SLC1A4: variants seen among roughly 807,000 people sequenced by gnomAD.
The protein encoded by SLC1A4 is neutral amino acid transporter A.
SLC1A4 carries 19 observed loss-of-function variants against 37.7 expected under a neutral mutation model. That is an observed-to-expected ratio of 0.50 (90% confidence interval 0.35 to 0.74). SLC1A4 has a LOEUF of 0.74. SLC1A4 is among the 30% of genes least tolerant of loss of function. SLC1A4 has a pLI of 0.01. For missense variants in SLC1A4, 570 were observed against 712.9 expected, an observed-to-expected ratio of 0.80 and a Z score of 2.28; for synonymous variants, 299 against 309.8, an observed-to-expected ratio of 0.97 and a Z score of 0.37.
At chr2:65,011,392 G>A (rs1023488514) in intron 4 of SLC1A4, 6 of 151,440 alleles carry the variant, frequency 4.0e-5, no homozygotes, top group African/African-American at 9.7e-5. Context: ...TCAGCCTCCC[G>A]AGAAGCTGGG....
chr2:65,005,712 G>A (rs758968422), intron 3 of SLC1A4, among the ~76,000 whole-genome samples: 24 of 152,206 alleles, frequency 1.6e-4, no homozygotes, highest in Non-Finnish European at 4.4e-5. Flanking sequence ...ACTAATTGTT[G>A]CCCAGGTGCA....
At chr2:65,007,092 A>G (rs1197993194) in intron 3 of SLC1A4, among the ~76,000 whole-genome samples, 2 of 152,204 alleles carry the variant, frequency 1.3e-5, no homozygotes, top group African/African-American at 4.8e-5. Context: ...TTTATTTGGC[A>G]ACAGCCAGGT....
Position 65,021,316 on chromosome 2 carries a change from A to G in SLC1A4, c.*170A>G. ...TCTCGGCACTGGCATTGGGCTCCCC[A>G]GCCGGAACTGGTTACCAAGGACAAG... On this transcript the variant is annotated 3_prime_UTR_variant, in exon 8 of 8. Transcript: ENST00000234256. 1.6e-6 allele frequency: 1 copy of G among 607,410 alleles called. No individual in the cohort carries two copies. 37.6% of individuals were successfully genotyped at this position (607,410 alleles called of 1,614,324 possible).
chr2:65,016,678 G>A lies in SLC1A4; in HGVS notation c.1034+5G>A. 6.2e-7 allele frequency: 1 copy of A among 1,607,118 alleles called. No homozygotes were observed. Among genetic ancestry groups the A allele is most frequent in the Non-Finnish European group, 8.5e-7 (1 of 1,173,620 alleles). On this transcript the variant is annotated splice_donor_5th_base_variant and intron_variant, in intron 5 of 7. Transcript: ENST00000234256. ...AGCATTTGCTACCTGCTCCAGGTGAGTGGGTTTTGGGTCTCTTCACTGCTC... is the reference window on the plus strand; with the variant it reads ...AGCATTTGCTACCTGCTCCAGGTGAATGGGTTTTGGGTCTCTTCACTGCTC...
intron 1 of SLC1A4, 118 bp downstream of exon 1, chr2:64,990,288 T>G (rs1572938466): frequency 9.5e-7 from 1 of 1,052,468 alleles, no homozygotes; most frequent in Non-Finnish European, 1.3e-6. Flanking sequence ...TGGCTGCTGG[T>G]GGCGTTTAAC....
rs1672947593 is a variant in SLC1A4, at chr2:64,989,409, G to C, written c.-235G>C. ...GCTCCCGTTTGCATCATCTCCAGCC[G>C]GCGGCTGCTCCAGGGAGGCTGGGCG... On this transcript the variant is annotated 5_prime_UTR_variant, in exon 1 of 8. Coordinates refer to ENST00000234256, the MANE Select transcript of SLC1A4 (RefSeq NM_003038.5). 2.7e-6 allele frequency: 1 copy of C among 376,442 alleles called. No homozygotes were observed. Among genetic ancestry groups the C allele is most frequent in the Non-Finnish European group, 4.7e-6 (1 of 212,854 alleles). 23.3% of individuals were successfully genotyped at this position (376,442 alleles called of 1,614,324 possible). A position where few individuals can be genotyped will look rare whatever the true frequency, so the allele number is the denominator to read the frequency against.
chr2:64,996,941 AT>A (rs1673278046), intron 1 of SLC1A4, among the ~76,000 whole-genome samples: 1 of 152,210 alleles, frequency 6.6e-6, no homozygotes, highest in Non-Finnish European at 1.5e-5. Context: ...GAGGCAGCTG[AT>A]CCCGGATTAG....
At position 65,001,404 on chromosome 2, in the gene SLC1A4, A is replaced by G. The variant is rs1673452987; in HGVS notation, c.528-44A>G. 6.9e-6 allele frequency: 11 copies of G among 1,593,414 alleles called. No homozygotes were observed. In the East Asian group the frequency reaches 2.5e-4, roughly 36 times the overall value. On this transcript the variant is annotated intron_variant, in intron 1 of 7. Coordinates refer to ENST00000234256, the MANE Select transcript of SLC1A4 (RefSeq NM_003038.5). The stretch of plus-strand genomic sequence containing the variant: ...GCAACAGGGACCTCATCTCTAAAAA[A>G]TTGTTTTAAAAGAATACTGACAGAA...
At chr2:65,012,359 G>A (rs1335356911) in intron 4 of SLC1A4, among the ~76,000 whole-genome samples, 3 of 152,164 alleles carry the variant, frequency 2.0e-5, no homozygotes, top group Admixed American at 6.5e-5. Context: ...AAAGTGCTGG[G>A]ATTACAGGCA....
At chr2:65,007,239 A>G (rs1295754743) in intron 3 of SLC1A4, among the ~76,000 whole-genome samples, 2 of 150,928 alleles carry the variant, frequency 1.3e-5, no homozygotes. Context: ...GAAGAACATT[A>G]AAGCAGGGCA....
chr2:65,010,137 G>C (rs1449398974), intron 3 of SLC1A4, among the ~76,000 whole-genome samples: 30 of 152,106 alleles, frequency 2.0e-4, no homozygotes, highest in Admixed American at 1.8e-3. Flanking sequence ...TCACCATGTT[G>C]GTCAGGCTGG....
intron 5 of SLC1A4, among the ~76,000 whole-genome samples, chr2:65,017,788 C>T (rs1022025342): frequency 6.6e-6 from 1 of 152,104 alleles, no homozygotes; most frequent in African/African-American, 2.4e-5. Context: ...CGTTTTGCAC[C>T]GGGAGGCAAT....
At position 65,022,500 on chromosome 2, in the gene SLC1A4, A is replaced by C. The variant is rs1674466827; in HGVS notation, c.*1354A>C. On this transcript the variant is annotated 3_prime_UTR_variant, in exon 8 of 8. Transcript: ENST00000234256. ...AGCAAACTGTTAATCTTCGAAAACG[A>C]CCATTTCACTTCTTGGATATCAAGT... The C allele has an allele frequency of 6.6e-6, 1 of 152,028 alleles. No homozygotes were observed. The highest frequency in any genetic ancestry group is 1.5e-5 in the Non-Finnish European group (1 of 68,006). 9.4% of individuals were successfully genotyped at this position (152,028 alleles called of 1,614,324 possible). A position where few individuals can be genotyped will look rare whatever the true frequency, so the allele number is the denominator to read the frequency against.
At chr2:65,016,081 C>T (rs930982840) in intron 4 of SLC1A4, among the ~76,000 whole-genome samples, 13 of 152,220 alleles carry the variant, frequency 8.5e-5, no homozygotes, top group African/African-American at 3.1e-4. Flanking sequence ...CTGAGCAAAG[C>T]CAAAAGTCAG....
chr2:64,992,912 T>C (rs1673112788), intron 1 of SLC1A4, among the ~76,000 whole-genome samples: 1 of 152,184 alleles, frequency 6.6e-6, no homozygotes, highest in South Asian at 2.1e-4. Context: ...CTGAAGCAGC[T>C]TGTGAAAGGA....
chr2:65,016,597 T>A lies in SLC1A4; in HGVS notation c.958T>A (p.Phe320Ile). ...TGTTCTGCCACTTATTTATTTTGTT[T>A]TCACACGAAAAAACCCATTCAGATT... ...GIVLPLIYFV[F>I]TRKNPFRFLL... Residue 320 changes from phenylalanine to isoleucine, a missense_variant, in exon 5 of 8, where the codon TTC becomes ATC. Physicochemically the swap from Phe to Ile is conservative, Grantham distance 21. Transcript: ENST00000234256. 6.2e-7 allele frequency: 1 copy of A among 1,614,194 alleles called. No individual in the cohort carries two copies. Among genetic ancestry groups the A allele is most frequent in the South Asian group, 1.1e-5 (1 of 91,084 alleles).
chr2:65,008,199 T>G (rs6546119), intron 3 of SLC1A4, among the ~76,000 whole-genome samples: 89,822 of 152,056 alleles, frequency 0.59, 27,313 homozygotes, highest in African/African-American at 0.71. Context: ...TCATCACCAG[T>G]TGTTAGCCAT....
rs1246977490 is a variant in SLC1A4, at chr2:65,018,878, A to T, written c.1364+199A>T. ...GAGAGTCACATGCCCCCAAACATCC[A>T]GGAATGACCATGAGATGTCATTACC... On this transcript the variant is annotated intron_variant, in intron 7 of 7. Coordinates refer to ENST00000234256, the MANE Select transcript of SLC1A4 (RefSeq NM_003038.5). This position sits in a 1 kb window ranked among gnomAD's most constrained non-coding sequence, Gnocchi z 4.3. 6.6e-6 allele frequency among the ~76,000 whole-genome samples: 1 copy of T among 152,232 alleles called. No homozygotes were observed. Among genetic ancestry groups the T allele is most frequent in the East Asian group, 1.9e-4 (1 of 5,196 alleles).
chr2:65,010,047 T>C (rs1673855201), intron 3 of SLC1A4, among the ~76,000 whole-genome samples: 1 of 152,102 alleles, frequency 6.6e-6, no homozygotes, highest in Admixed American at 6.6e-5. Flanking sequence ...TTCTCCTGCC[T>C]CAGCCTCCCA....
Sources: gnomAD v4.1 joint callset for allele counts (sites outside exome capture counted in the v4.1 genomes callset) on GRCh38, gnomAD v4.1.1 for gene constraint, Gnocchi (gnomAD v3.1) non-coding constraint, MANE v1.5 for transcripts, NCBI Gene and HGNC (gene_info 2026-07-23, HGNC 2026-07-21) for gene names.